Variants in DGKB observed in about 807,000 individuals in gnomAD.
DGKB encodes 90 kDa diacylglycerol kinase.
A neutral mutation model predicts 114.3 loss-of-function variants in DGKB; 67 were observed. The observed-to-expected ratio is 0.59, with a 90% CI of 0.48 to 0.72. DGKB has a LOEUF of 0.72. DGKB is among the 30% of genes least tolerant of loss of function. The pLI, the probability that DGKB is intolerant of heterozygous loss-of-function variation, is 0.00. For missense variants in DGKB, 907 were observed against 975.2 expected, an observed-to-expected ratio of 0.93 and a Z score of 0.93; for synonymous variants, 398 against 323.1, an observed-to-expected ratio of 1.23 and a Z score of -2.49.
At chr7:14,555,663 G>C (rs1321826680) in intron 20 of DGKB, among the ~76,000 whole-genome samples, 1 of 152,096 alleles carries the variant, frequency 6.6e-6, no homozygotes, top group Non-Finnish European at 1.5e-5. Flanking sequence ...GAAATTCTAA[G>C]TCACAGAATG....
At chr7:14,681,876 A>G (rs1313900028) in intron 12 of DGKB, among the ~76,000 whole-genome samples, 2 of 152,118 alleles carry the variant, frequency 1.3e-5, no homozygotes, top group Non-Finnish European at 2.9e-5. Flanking sequence ...TGTGAACACC[A>G]TCAAGACAAG....
At chr7:14,778,509 A>G (rs1329953285) in intron 2 of DGKB, among the ~76,000 whole-genome samples, 1 of 152,220 alleles carries the variant, frequency 6.6e-6, no homozygotes, top group Non-Finnish European at 1.5e-5. Context: ...ATAAAATGAT[A>G]ATTGATTTTC....
intron 21 of DGKB, among the ~76,000 whole-genome samples, chr7:14,406,915 AAAG>A (rs1285524478): frequency 6.6e-6 from 1 of 152,104 alleles, no homozygotes; most frequent in Non-Finnish European, 1.5e-5. Context: ...CATAGAAATG[AAAG>A]AAGAACAGAT....
intron 20 of DGKB, among the ~76,000 whole-genome samples, chr7:14,572,401 G>C (rs1584896941): frequency 6.6e-6 from 1 of 150,980 alleles, no homozygotes; most frequent in Non-Finnish European, 1.5e-5. Context: ...GCAGTGAGCC[G>C]AGATCGTGCC....
chr7:14,325,396 A>AAAATACG (rs1326574578), intron 23 of DGKB, among the ~76,000 whole-genome samples: 3 of 152,308 alleles, frequency 2.0e-5, no homozygotes, highest in Admixed American at 2.0e-4. Context: ...AAGCAGCAAG[A>AAAATACG]AAATACGATA....
chr7:14,368,573 CTGTGTGTGTGTG>C (rs3069084), intron 21 of DGKB, among the ~76,000 whole-genome samples: 1 of 148,620 alleles, frequency 6.7e-6, no homozygotes, highest in Non-Finnish European at 1.5e-5. Flanking sequence ...GGTATTTTCT[CTGTGTGTGTGTG>C]TGTGTGTGTG....
chr7:14,795,226 A>C (rs1841235740), intron 2 of DGKB, among the ~76,000 whole-genome samples: 1 of 152,182 alleles, frequency 6.6e-6, no homozygotes, highest in Admixed American at 6.5e-5. Flanking sequence ...GAAGGAACTT[A>C]ATGTTGGATC....
intron 20 of DGKB, among the ~76,000 whole-genome samples, chr7:14,497,081 C>G (rs1382185447): frequency 6.6e-6 from 1 of 151,682 alleles, no homozygotes; most frequent in Non-Finnish European, 1.5e-5. Context: ...TGAAGTAACT[C>G]AGAAATCAAA....
At chr7:14,731,249 G>C (rs557455388) in intron 5 of DGKB, among the ~76,000 whole-genome samples, 4 of 152,230 alleles carry the variant, frequency 2.6e-5, no homozygotes, top group African/African-American at 9.6e-5. Context: ...AGTTAGTTTG[G>C]TATCTAACTG....
At chr7:14,250,766 C>A (rs1284215398) in intron 23 of DGKB, among the ~76,000 whole-genome samples, 1 of 152,116 alleles carries the variant, frequency 6.6e-6, no homozygotes, top group African/African-American at 2.4e-5. Context: ...TGGTTTATTT[C>A]TCCTTTCAGT....
chr7:14,857,242 C>G (rs888712606), intron 1 of DGKB, among the ~76,000 whole-genome samples: 13 of 47,522 alleles, frequency 2.7e-4, no homozygotes, highest in African/African-American at 1.8e-3. Flanking sequence ...TCCACCCAAC[C>G]CCCTGCTGTG....
intron 2 of DGKB, among the ~76,000 whole-genome samples, chr7:14,784,826 T>G (rs79896786): frequency 2.0e-5 from 3 of 146,740 alleles, no homozygotes; most frequent in Admixed American, 6.8e-5. Flanking sequence ...TCAACTGCTG[T>G]TTTTTTTTTT....
intron 1 of DGKB, among the ~76,000 whole-genome samples, chr7:14,934,615 C>T (rs1785185764): frequency 6.6e-6 from 1 of 152,110 alleles, no homozygotes; most frequent in Non-Finnish European, 1.5e-5. Flanking sequence ...GATCTTTATA[C>T]ATACATTCTA....
chr7:14,412,461 A>T (rs1825047008), intron 21 of DGKB, among the ~76,000 whole-genome samples: 1 of 152,204 alleles, frequency 6.6e-6, no homozygotes, highest in Admixed American at 6.5e-5. Flanking sequence ...TGCAAGACAT[A>T]CATAGCAAAA....
chr7:14,416,769 T>C (rs1825790309), intron 21 of DGKB, among the ~76,000 whole-genome samples: 1 of 152,154 alleles, frequency 6.6e-6, no homozygotes, highest in Admixed American at 6.6e-5. Context: ...CGGGTATGTC[T>C]TTATCAGCAG....
chr7:14,781,747 TTATAACA>T (rs1011561870), intron 2 of DGKB, among the ~76,000 whole-genome samples: 1 of 152,192 alleles, frequency 6.6e-6, no homozygotes, highest in African/African-American at 2.4e-5. Flanking sequence ...AATATTTGTA[TTATAACA>T]TATAACTCTG....
intron 13 of DGKB, among the ~76,000 whole-genome samples, chr7:14,631,686 A>G (rs1809740864): frequency 6.6e-6 from 1 of 151,998 alleles, no homozygotes; most frequent in Admixed American, 6.6e-5. Flanking sequence ...CAGTCTACAT[A>G]ACACCAGGGA....
intron 23 of DGKB, among the ~76,000 whole-genome samples, chr7:14,296,285 CT>C (rs1211529323): frequency 6.6e-6 from 1 of 152,138 alleles, no homozygotes; most frequent in Non-Finnish European, 1.5e-5. Flanking sequence ...CCACCTCAGC[CT>C]CCCAAAGTGC....
intron 21 of DGKB, among the ~76,000 whole-genome samples, chr7:14,442,751 G>A (rs539067453): frequency 6.6e-6 from 1 of 152,066 alleles, no homozygotes; most frequent in African/African-American, 2.4e-5. Flanking sequence ...ATGCTATGGT[G>A]CCCAGGCTGG....
Sources: allele counts gnomAD v4.1 joint callset (sites outside exome capture counted in the v4.1 genomes callset), GRCh38; gene constraint gnomAD v4.1.1; transcripts MANE v1.5; gene names NCBI Gene and HGNC (gene_info 2026-07-23, HGNC 2026-07-21).